Variants in SLC35F1 observed in about 807,000 individuals in gnomAD.
SLC35F1 encodes solute carrier family 35 member F1, also known as chromosome 6 open reading frame 169.
SLC35F1 carries 14 observed loss-of-function variants against 48.7 expected under a neutral mutation model. That is an observed-to-expected ratio of 0.29 (90% CI 0.19 to 0.45). The LOEUF (loss-of-function observed/expected upper bound fraction) is 0.45, where lower values mean the gene tolerates loss of function less well. Ranked by LOEUF, SLC35F1 falls within the 20% of genes least tolerant of loss-of-function variation. The pLI is 1.00. For missense variants in SLC35F1, 404 were observed against 500.0 expected, an observed-to-expected ratio of 0.81 and a Z score of 1.83; for synonymous variants, 190 against 202.2, an observed-to-expected ratio of 0.94 and a Z score of 0.51.
At chr6:118,147,684 A>G (rs894155300) in intron 1 of SLC35F1, among the ~76,000 whole-genome samples, 3 of 152,134 alleles carry the variant, frequency 2.0e-5, no homozygotes, top group East Asian at 3.9e-4. Context: ...ACTTCTGTAA[A>G]CATAAAACAT....
At chr6:118,192,019 T>A (rs1156345680) in intron 2 of SLC35F1, among the ~76,000 whole-genome samples, 1 of 152,190 alleles carries the variant, frequency 6.6e-6, no homozygotes, top group Non-Finnish European at 1.5e-5. Flanking sequence ...GAACTTTTAA[T>A]AATAAAAGCT....
intron 1 of SLC35F1, among the ~76,000 whole-genome samples, chr6:118,127,281 AT>A: frequency 6.6e-6 from 1 of 152,272 alleles, no homozygotes; most frequent in East Asian, 1.9e-4. Context: ...GCTGGATTAC[AT>A]TAATTGATGT....
chr6:118,114,347 CT>C (rs1320527079), intron 1 of SLC35F1, among the ~76,000 whole-genome samples: 1 of 152,072 alleles, frequency 6.6e-6, no homozygotes, highest in Non-Finnish European at 1.5e-5. Flanking sequence ...TGAATTACTC[CT>C]TTTATTTTCT....
At chr6:118,138,478 G>C (rs1430016391) in intron 1 of SLC35F1, among the ~76,000 whole-genome samples, 1 of 152,090 alleles carries the variant, frequency 6.6e-6, no homozygotes, top group Non-Finnish European at 1.5e-5. Flanking sequence ...AGGAAGAAAT[G>C]ACCCAAGGTC....
intron 1 of SLC35F1, 90 bp from the exon 2 acceptor site, chr6:118,154,355 A>G (rs1016768588): frequency 1.8e-6 from 2 of 1,104,010 alleles, no homozygotes; most frequent in South Asian, 1.6e-5. Context: ...AATCCAGTGC[A>G]TGCTACCAGT....
chr6:117,945,460 TA>T (rs1466132526), intron 1 of SLC35F1, among the ~76,000 whole-genome samples: 1 of 152,156 alleles, frequency 6.6e-6, no homozygotes, highest in African/African-American at 2.4e-5. Context: ...TACAGATGAG[TA>T]GATTGTTATT....
intron 1 of SLC35F1, among the ~76,000 whole-genome samples, chr6:118,038,506 A>G (rs1463922922): frequency 1.3e-5 from 2 of 151,330 alleles, no homozygotes; most frequent in Non-Finnish European, 2.9e-5. Context: ...ATCTCCAATC[A>G]AAGAACATGA....
At chr6:118,049,437 A>G (rs1216614138) in intron 1 of SLC35F1, among the ~76,000 whole-genome samples, 6 of 152,228 alleles carry the variant, frequency 3.9e-5, no homozygotes, top group Admixed American at 2.6e-4. Context: ...AACCCACAAA[A>G]TGGGAAAAAA....
At chr6:118,094,140 A>G (rs1447790611) in intron 1 of SLC35F1, among the ~76,000 whole-genome samples, 2 of 152,088 alleles carry the variant, frequency 1.3e-5, no homozygotes, top group Non-Finnish European at 2.9e-5. Flanking sequence ...GATATGGGGG[A>G]AAATCGAGAT....
chr6:117,923,729 A>ATATGTACATATATGTATATATACACG (rs1554216736), intron 1 of SLC35F1, among the ~76,000 whole-genome samples: 4 of 89,970 alleles, frequency 4.4e-5, no homozygotes, highest in African/African-American at 1.8e-4. Flanking sequence ...ATATATACAT[A>ATATGTACATATATGTATATATACACG]TGTATATATA....
intron 1 of SLC35F1, among the ~76,000 whole-genome samples, chr6:118,142,137 G>A (rs1582690510): frequency 6.6e-6 from 1 of 152,224 alleles, no homozygotes; most frequent in Non-Finnish European, 1.5e-5. Flanking sequence ...TTTGCCTGAT[G>A]TTTTACCACA....
At chr6:117,995,834 T>C (rs1442661826) in intron 1 of SLC35F1, among the ~76,000 whole-genome samples, 1 of 152,230 alleles carries the variant, frequency 6.6e-6, no homozygotes, top group Non-Finnish European at 1.5e-5. Flanking sequence ...TCCATTTTAA[T>C]TGGACATAGA....
chr6:118,099,462 A>C (rs1582665792), intron 1 of SLC35F1, among the ~76,000 whole-genome samples: 10 of 142,850 alleles, frequency 7.0e-5, no homozygotes, highest in East Asian at 2.1e-4. Flanking sequence ...CTCTCTCCCC[A>C]CTCCTTCTCC....
chr6:117,926,361 G>C (rs1447258062), intron 1 of SLC35F1, among the ~76,000 whole-genome samples: 1 of 152,120 alleles, frequency 6.6e-6, no homozygotes, highest in Non-Finnish European at 1.5e-5. Flanking sequence ...CATGGGAACT[G>C]TTTGTCAATT....
chr6:118,054,803 G>C (rs138647220), intron 1 of SLC35F1, among the ~76,000 whole-genome samples: 1 of 151,646 alleles, frequency 6.6e-6, no homozygotes, highest in Non-Finnish European at 1.5e-5. Flanking sequence ...TTTTGACACG[G>C]AGTCTCGCTG....
intron 1 of SLC35F1, among the ~76,000 whole-genome samples, chr6:118,140,808 C>T (rs562480951): frequency 3.3e-4 from 50 of 151,872 alleles, no homozygotes; most frequent in Non-Finnish European, 5.3e-4. Context: ...GTGTGTGCTG[C>T]ATTTTAGTTT....
At chr6:118,170,386 T>C (rs957778648) in intron 2 of SLC35F1, among the ~76,000 whole-genome samples, 3 of 152,198 alleles carry the variant, frequency 2.0e-5, no homozygotes, top group African/African-American at 4.8e-5. Flanking sequence ...AAAGAAGCCG[T>C]GGAGAGCCAA....
chr6:118,022,920 C>CTTT (rs1026525945), intron 1 of SLC35F1, among the ~76,000 whole-genome samples: 1 of 151,572 alleles, frequency 6.6e-6, no homozygotes, highest in Non-Finnish European at 1.5e-5. Context: ...CGGGCTAATT[C>CTTT]TTTTTTTTCT....
At position 118,216,579 on chromosome 6, in the gene SLC35F1, T is replaced by A. The variant is rs561450278; in HGVS notation, c.350-18930T>A. On this transcript the variant is annotated intron_variant, in intron 2 of 7. Transcript: ENST00000360388. Reference sequence around the variant, plus strand: ...GCCAGTCAGGAAATGGTTGAAATTGTGTCAGAGGCCTTATAGCAACTTACT... The same window carrying A: ...GCCAGTCAGGAAATGGTTGAAATTGAGTCAGAGGCCTTATAGCAACTTACT... Among the ~76,000 whole-genome samples the A allele has an allele frequency of 5.3e-5, 8 of 151,238 alleles. No homozygotes were observed. In the South Asian group the frequency reaches 1.7e-3, roughly 32 times the overall value.
Sources: gnomAD v4.1 joint callset for allele counts (sites outside exome capture counted in the v4.1 genomes callset) on GRCh38, gnomAD v4.1.1 for gene constraint, MANE v1.5 for transcripts, NCBI Gene and HGNC (gene_info 2026-07-23, HGNC 2026-07-21) for gene names.